TSC22D2: variants seen among roughly 807,000 people sequenced by gnomAD.
The protein encoded by TSC22D2 is TSC22 domain family member 2.
Under a neutral mutation model 50.1 loss-of-function variants are expected in TSC22D2, and 5 were observed. The observed-to-expected ratio is 0.10, with a 90% CI of 0.05 to 0.21. The LOEUF (loss-of-function observed/expected upper bound fraction) is 0.21. Ranked by LOEUF, TSC22D2 falls within the 10% of genes least tolerant of loss-of-function variation. TSC22D2 has a pLI of 1.00. For synonymous variants in TSC22D2, 501 were observed against 450.1 expected (o/e 1.11, Z -1.43); for missense variants, 1,003 against 1,015.5 (o/e 0.99, Z 0.17).
intron 1 of TSC22D2, among the ~76,000 whole-genome samples, chr3:150,445,706 C>T (rs1276929749): frequency 6.6e-6 from 1 of 152,030 alleles, no homozygotes; most frequent in Non-Finnish European, 1.5e-5. Flanking sequence ...TCCTTATAGC[C>T]GTCCTTTAAG....
At chr3:150,456,243 A>G (rs1460988240) in intron 1 of TSC22D2, among the ~76,000 whole-genome samples, 1 of 149,250 alleles carries the variant, frequency 6.7e-6, no homozygotes, top group African/African-American at 2.5e-5. Flanking sequence ...GCTGGATTGC[A>G]ATGGCGTGAT....
chr3:150,457,160 A>AATG (rs765180889), intron 2 of TSC22D2, 33 bp downstream of exon 2: 5 of 1,594,816 alleles, frequency 3.1e-6, no homozygotes, highest in Non-Finnish European at 4.3e-6. Context: ...CCCATTTCAT[A>AATG]GATTGTTGGT....
chr3:150,441,145 G>T (rs1374691876), intron 1 of TSC22D2, among the ~76,000 whole-genome samples: 1 of 151,422 alleles, frequency 6.6e-6, no homozygotes, highest in Non-Finnish European at 1.5e-5. Context: ...TTCAAACTGG[G>T]AAGTTTGGAA....
Position 150,463,296 on chromosome 3 carries a change from G to C in TSC22D2, c.*4660G>C, listed in dbSNP as rs1414359464. On this transcript the variant is annotated 3_prime_UTR_variant, in exon 3 of 3. Coordinates refer to ENST00000688009, the MANE Select transcript of TSC22D2 (RefSeq NM_001303264.2). ...GCCCAAGGCAGAATAGGTTTTGCTA[G>C]GCTTTAGCCTTTTATTCTTTGACAT... 6.6e-6 allele frequency: 1 copy of C among 152,200 alleles called. No individual in the cohort carries two copies. Among genetic ancestry groups the C allele is most frequent in the Non-Finnish European group, 1.5e-5 (1 of 68,056 alleles). 9.4% of individuals were successfully genotyped at this position (152,200 alleles called of 1,614,324 possible). A position where few individuals can be genotyped will look rare whatever the true frequency, so the allele number is the denominator to read the frequency against.
intron 1 of TSC22D2, among the ~76,000 whole-genome samples, chr3:150,433,734 A>G (rs1720448649): frequency 6.6e-6 from 1 of 152,230 alleles, no homozygotes; most frequent in Non-Finnish European, 1.5e-5. Flanking sequence ...TCAAGAAATA[A>G]GAGGTATCAA....
Position 150,429,265 on chromosome 3 carries a change from T to C in TSC22D2, c.1958+17957T>C, listed in dbSNP as rs930861335. On this transcript the variant is annotated intron_variant, in intron 1 of 2. Coordinates refer to ENST00000688009, the MANE Select transcript of TSC22D2 (RefSeq NM_001303264.2). ...GAATTGCCATAGGAGTGGTGGTAAA[T>C]GAAGCCCCACAAATAACTAGGCACC... Among the ~76,000 whole-genome samples the C allele has an allele frequency of 5.9e-5, 9 of 152,020 alleles. No individual in the cohort carries two copies. The East Asian group carries it at 1.2e-3, about 20-fold the overall frequency.
intron 1 of TSC22D2, among the ~76,000 whole-genome samples, chr3:150,454,746 A>C (rs1380107554): frequency 6.6e-6 from 1 of 152,222 alleles, no homozygotes; most frequent in African/African-American, 2.4e-5. Flanking sequence ...ACACTGATTT[A>C]TTCTATTAGA....
At chr3:150,457,234 C>A in intron 2 of TSC22D2, 107 bp downstream of exon 2, 1 of 1,021,612 alleles carries the variant, frequency 9.8e-7, no homozygotes, top group Non-Finnish European at 1.5e-6. Flanking sequence ...CCAAAGATGA[C>A]CAAATCATGT....
intron 1 of TSC22D2, among the ~76,000 whole-genome samples, chr3:150,440,138 C>T (rs558351471): frequency 1.3e-5 from 2 of 152,244 alleles, no homozygotes; most frequent in East Asian, 1.9e-4. Flanking sequence ...AGTCGCATAG[C>T]CATTGAGTGG....
chr3:150,419,113 G>A (rs887146595), intron 1 of TSC22D2, among the ~76,000 whole-genome samples: 1 of 152,042 alleles, frequency 6.6e-6, no homozygotes, highest in African/African-American at 2.4e-5. Flanking sequence ...AAGCTTACTT[G>A]TGTCAGGTCC....
chr3:150,457,688 TAC>T (rs1266168417), intron 2 of TSC22D2, among the ~76,000 whole-genome samples: 2 of 152,168 alleles, frequency 1.3e-5, no homozygotes, highest in African/African-American at 4.8e-5. Flanking sequence ...CAGGCTGAAG[TAC>T]AGTGGCATGA....
intron 1 of TSC22D2, among the ~76,000 whole-genome samples, chr3:150,438,022 G>GA (rs1017282271): frequency 2.0e-5 from 3 of 151,974 alleles, no homozygotes; most frequent in African/African-American, 7.3e-5. Flanking sequence ...CTGATGGCCT[G>GA]AAAATCCATG....
intron 1 of TSC22D2, among the ~76,000 whole-genome samples, chr3:150,452,038 G>T (rs1721056016): frequency 6.6e-6 from 1 of 151,844 alleles, no homozygotes; most frequent in African/African-American, 2.4e-5. Context: ...TTCTTTCATG[G>T]GTTCTCACTA....
At chr3:150,426,215 TA>T (rs1334672559) in intron 1 of TSC22D2, among the ~76,000 whole-genome samples, 6 of 152,248 alleles carry the variant, frequency 3.9e-5, no homozygotes, top group African/African-American at 1.4e-4. Flanking sequence ...AAATAAATAC[TA>T]TAACTTACAT....
chr3:150,426,409 C>G (rs1720191523), intron 1 of TSC22D2, among the ~76,000 whole-genome samples: 1 of 152,134 alleles, frequency 6.6e-6, no homozygotes, highest in Non-Finnish European at 1.5e-5. Context: ...GAAACCTATC[C>G]TGATGATCAC....
At chr3:150,444,796 A>G (rs1455900918) in intron 1 of TSC22D2, among the ~76,000 whole-genome samples, 1 of 152,180 alleles carries the variant, frequency 6.6e-6, no homozygotes, top group African/African-American at 2.4e-5. Context: ...ACTTGAGTGC[A>G]GTTTTGCTTG....
chr3:150,455,259 G>T (rs1314483910), intron 1 of TSC22D2, among the ~76,000 whole-genome samples: 1 of 152,156 alleles, frequency 6.6e-6, no homozygotes. Context: ...ATCTGGCACT[G>T]AAGTATATAC....
chr3:150,427,398 CTA>C (rs902575404), intron 1 of TSC22D2, among the ~76,000 whole-genome samples: 12 of 152,000 alleles, frequency 7.9e-5, no homozygotes, highest in Non-Finnish European at 1.8e-4. Flanking sequence ...GGACCATACA[CTA>C]TGTGTTTTGT....
In TSC22D2 at chr3:150,409,598, C is replaced by T. The variant is rs1464527873; in HGVS notation, c.248C>T (p.Thr83Ile). 1.2e-6 allele frequency: 2 copies of T among 1,602,812 alleles called. No individual in the cohort carries two copies. The change falls in exon 1 of 3, where the codon ACC (threonine) becomes ATC (isoleucine). Residue 83 changes from threonine (T) to isoleucine (I), a missense_variant. Physicochemically the swap from Thr to Ile is moderately conservative, Grantham distance 89. Coordinates refer to ENST00000688009, the MANE Select transcript of TSC22D2 (RefSeq NM_001303264.2). The surrounding 1 kb of genome is among the most constrained non-coding windows in gnomAD (Gnocchi z 7.4). Reference protein sequence around the residue: ...NNVGDAETPGTVSPNLLLDGQ... With the variant: ...NNVGDAETPGIVSPNLLLDGQ... ...GTTGGGGATGCGGAGACTCCCGGGA[C>T]CGTCTCCCCAAACCTCCTCCTAGAT...
Sources: allele counts gnomAD v4.1 joint callset (sites outside exome capture counted in the v4.1 genomes callset), GRCh38; gene constraint gnomAD v4.1.1; non-coding constraint Gnocchi (gnomAD v3.1); transcripts MANE v1.5; gene names NCBI Gene and HGNC (gene_info 2026-07-23, HGNC 2026-07-21).